TENM3: variants seen among roughly 807,000 people sequenced by gnomAD.
The protein encoded by TENM3 is teneurin transmembrane protein 3, also known as teneurin-3.
A neutral mutation model predicts 255.1 loss-of-function variants in TENM3; 63 were observed. That is an observed-to-expected ratio of 0.25 (90% confidence interval 0.20 to 0.30). TENM3 has a LOEUF of 0.30. Among genes scored for constraint, TENM3 ranks in the 10% least tolerant of loss-of-function variants. TENM3 has a pLI of 1.00. For missense variants in TENM3, 2,929 were observed against 3,461.1 expected (o/e 0.85, Z 3.86); for synonymous variants, 1,306 against 1,322.3 (o/e 0.99, Z 0.27).
chr4:182,191,072 T>C (rs1394501748), intron 1 of TENM3, among the ~76,000 whole-genome samples: 1 of 152,186 alleles, frequency 6.6e-6, no homozygotes, highest in Non-Finnish European at 1.5e-5. Flanking sequence ...ATTTTAAAAA[T>C]GTATGCTTTG....
chr4:181,863,776 A>G, the TENM3 span, among the ~76,000 whole-genome samples: 2 of 152,136 alleles, frequency 1.3e-5, no homozygotes, highest in East Asian at 3.9e-4. Flanking sequence ...TTACAGATAT[A>G]CATACCCCAG....
At chr4:181,462,542 C>T in the TENM3 span, among the ~76,000 whole-genome samples, 1 of 152,184 alleles carries the variant, frequency 6.6e-6, no homozygotes, top group African/African-American at 2.4e-5. Context: ...CATCCAATGT[C>T]TGAAAACTGT....
chr4:181,843,759 G>A, the TENM3 span, among the ~76,000 whole-genome samples: 3 of 128,476 alleles, frequency 2.3e-5, no homozygotes, highest in Non-Finnish European at 4.7e-5. Context: ...TCTCCCTGTC[G>A]CCCAGGCTGG....
At chr4:182,708,659 G>A (rs1380030244) in intron 12 of TENM3, among the ~76,000 whole-genome samples, 2 of 152,154 alleles carry the variant, frequency 1.3e-5, no homozygotes, top group South Asian at 2.1e-4. Context: ...TTAGCCAGGT[G>A]TGGTGGCGGG....
chr4:182,414,646 C>A (rs1475334274), intron 3 of TENM3, among the ~76,000 whole-genome samples: 1 of 152,086 alleles, frequency 6.6e-6, no homozygotes, highest in African/African-American at 2.4e-5. Flanking sequence ...TCTAAACTTG[C>A]ATAGAAATGT....
chr4:182,777,879 A>C (rs1483009278), intron 24 of TENM3, among the ~76,000 whole-genome samples: 2 of 150,608 alleles, frequency 1.3e-5, no homozygotes, highest in African/African-American at 4.9e-5. Context: ...ATATATGTTT[A>C]AAAAGTAAAA....
At chr4:181,512,647 C>T in the TENM3 span, among the ~76,000 whole-genome samples, 1 of 152,218 alleles carries the variant, frequency 6.6e-6, no homozygotes, top group Non-Finnish European at 1.5e-5. Context: ...TGTGCTTCCA[C>T]CTGCGTTTGA....
chr4:182,140,878 G>A (rs569094648), upstream of TENM3, among the ~76,000 whole-genome samples: 93 of 152,346 alleles, frequency 6.1e-4, no homozygotes, highest in Non-Finnish European at 1.1e-3. Flanking sequence ...TTGACCCGCG[G>A]GGAGGCGGTG....
the TENM3 span, among the ~76,000 whole-genome samples, chr4:181,568,162 CTTTTTTTT>C: frequency 2.3e-5 from 3 of 128,036 alleles, no homozygotes; most frequent in African/African-American, 8.8e-5. Flanking sequence ...CCAACTAATA[CTTTTTTTT>C]TTTTTTTTTT....
the TENM3 span, among the ~76,000 whole-genome samples, chr4:181,701,853 T>C: frequency 6.6e-6 from 1 of 152,214 alleles, no homozygotes; most frequent in Non-Finnish European, 1.5e-5. Context: ...ATCCCAATTT[T>C]AAAACCCATG....
At chr4:181,532,991 T>C in the TENM3 span, among the ~76,000 whole-genome samples, 2 of 152,188 alleles carry the variant, frequency 1.3e-5, no homozygotes, top group African/African-American at 4.8e-5. Flanking sequence ...ATAACCCCTT[T>C]ATAAACGTAA....
rs748489005 is a variant in TENM3 at position 182,670,858 on chromosome 4, G to A, written c.1112-2147G>A. The stretch of plus-strand genomic sequence containing the variant: ...CAAGAATAAGTGTGTTTGAGGCATC[G>A]AAATGCAATTTACCCATAATCAGTC... On this transcript the variant is annotated intron_variant, in intron 6 of 27. Transcript: ENST00000511685. Among the ~76,000 whole-genome samples the A allele has an allele frequency of 5.9e-5, 9 of 152,146 alleles. No homozygotes were observed. In the South Asian group the frequency reaches 1.7e-3, roughly 28 times the overall value.
the TENM3 span, among the ~76,000 whole-genome samples, chr4:181,958,649 A>G: frequency 6.6e-6 from 1 of 152,078 alleles, no homozygotes; most frequent in East Asian, 1.9e-4. Flanking sequence ...GTCTCCCTTG[A>G]CCTCAAGCCA....
At chr4:181,670,640 C>T in the TENM3 span, among the ~76,000 whole-genome samples, 2 of 152,102 alleles carry the variant, frequency 1.3e-5, no homozygotes, top group South Asian at 4.1e-4. Flanking sequence ...GGTTGTAGGG[C>T]ATTCAACACT....
chr4:182,320,693 C>G (rs920323864), intron 1 of TENM3, among the ~76,000 whole-genome samples: 20 of 152,174 alleles, frequency 1.3e-4, no homozygotes, highest in African/African-American at 4.8e-4. Context: ...TGGGGAGACA[C>G]AATTCAAACC....
chr4:182,355,416 C>G (rs7683770), intron 3 of TENM3, among the ~76,000 whole-genome samples: 20,431 of 152,090 alleles, frequency 0.13, 2,232 homozygotes, highest in African/African-American at 0.3. Flanking sequence ...GGTCATGTTT[C>G]CGTTTTACAG....
the TENM3 span, among the ~76,000 whole-genome samples, chr4:181,553,320 G>GTA: frequency 9.5e-3 from 1,101 of 115,722 alleles, 14 homozygotes; most frequent in Middle Eastern, 0.017. Flanking sequence ...ATGTGTATGC[G>GTA]TATATATATA....
At chr4:181,598,104 A>G in the TENM3 span, among the ~76,000 whole-genome samples, 4 of 152,284 alleles carry the variant, frequency 2.6e-5, no homozygotes, top group East Asian at 3.9e-4. Flanking sequence ...TGGAAATTAA[A>G]CTAATCAAAA....
At chr4:182,389,558 C>A (rs1768260469) in intron 3 of TENM3, among the ~76,000 whole-genome samples, 2 of 152,140 alleles carry the variant, frequency 1.3e-5, no homozygotes, top group Admixed American at 1.3e-4. Flanking sequence ...ATTTAACTAT[C>A]TAACAGGGAA....
Sources: gnomAD v4.1 joint callset for allele counts (sites outside exome capture counted in the v4.1 genomes callset) on GRCh38, gnomAD v4.1.1 for gene constraint, MANE v1.5 for transcripts, NCBI Gene and HGNC (gene_info 2026-07-23, HGNC 2026-07-21) for gene names.